The following NTAQ1 variants were observed in gnomAD, a reference collection of about 807,000 sequenced individuals.
NTAQ1 encodes protein N-terminal glutamine amidohydrolase.
Under a neutral mutation model 28.2 loss-of-function variants are expected in NTAQ1, and 21 were observed. That is an observed-to-expected ratio of 0.74 (90% CI 0.53 to 1.07). The LOEUF (loss-of-function observed/expected upper bound fraction) is 1.07, where lower values mean the gene tolerates loss of function less well. Among genes scored for constraint, NTAQ1 ranks in the 50% least tolerant of loss-of-function variants. The pLI is 0.00. For synonymous variants in NTAQ1, 105 were observed against 90.0 expected, an observed-to-expected ratio of 1.17 and a Z score of -0.94; for missense variants, 264 against 256.6, an observed-to-expected ratio of 1.03 and a Z score of -0.20.
downstream of NTAQ1, among the ~76,000 whole-genome samples, chr8:123,446,677 G>A (rs1420535373): frequency 4.6e-5 from 7 of 152,148 alleles, no homozygotes; most frequent in East Asian, 5.8e-4. Flanking sequence ...CATCGGAGCC[G>A]TATCAGTGCC....
downstream of NTAQ1, among the ~76,000 whole-genome samples, chr8:123,449,911 A>ATGTGTGTGTGTATATGTATATATG (rs68002945): frequency 4.5e-5 from 4 of 88,196 alleles, no homozygotes; most frequent in Non-Finnish European, 8.3e-5. Context: ...ATATGTATAT[A>ATGTGTGTGTGTATATGTATATATG]TGTGTGTGTA....
downstream of NTAQ1, among the ~76,000 whole-genome samples, chr8:123,452,938 T>G (rs1586964469): frequency 1.3e-5 from 2 of 152,264 alleles, no homozygotes; most frequent in Middle Eastern, 6.8e-3. Flanking sequence ...TGCATCCATT[T>G]ATTATCAAGG....
intron 6 of NTAQ1, among the ~76,000 whole-genome samples, chr8:123,454,431 C>T (rs141976389): frequency 0.028 from 4,208 of 151,996 alleles, 186 homozygotes; most frequent in African/African-American, 0.094. Flanking sequence ...TGCAATGGTG[C>T]GATCTCAGCT....
At chr8:123,423,250 T>C (rs1586928872) in intron 1 of NTAQ1, among the ~76,000 whole-genome samples, 1 of 141,962 alleles carries the variant, frequency 7.0e-6, no homozygotes, top group African/African-American at 2.6e-5. Context: ...CTTCCCTCCC[T>C]CCTTCCCTCC....
At chr8:123,468,089 A>G (rs894487963) in exon 7 of NTAQ1, among the ~76,000 whole-genome samples, 33 of 152,164 alleles carry the variant, frequency 2.2e-4, no homozygotes, top group African/African-American at 7.2e-4. Context: ...GCCCACCATG[A>G]TGTCAGGAGG....
At chr8:123,472,791 CTT>C (rs1035328915), downstream of NTAQ1, among the ~76,000 whole-genome samples, 7 of 152,174 alleles carry the variant, frequency 4.6e-5, no homozygotes, top group African/African-American at 1.7e-4. Flanking sequence ...TACTAAAACT[CTT>C]TTTCTGTGGA....
chr8:123,437,280 T>G lies in NTAQ1; in HGVS notation c.454T>G (p.Ser152Ala). ...TTCTGACCGATCTCACATGAAAGACTCCAGTGGGAATTGGAGAGAGCCTCC... is the reference window on the plus strand; with the variant it reads ...TTCTGACCGATCTCACATGAAAGACGCCAGTGGGAATTGGAGAGAGCCTCC... ...FASDRSHMKD[S>A]SGNWREPPPP... is the part of the protein sequence containing the mutation. Residue 152 changes from serine (S) to alanine (A), a missense_variant, in exon 5 of 6, where the codon TCC (serine) becomes GCC (alanine). Physicochemically the swap from Ser to Ala is moderately conservative, Grantham distance 99. Coordinates refer to ENST00000287387, the MANE Select transcript of NTAQ1 (RefSeq NM_018024.3). 2 of 1,614,112 alleles carry G rather than the reference T, an allele frequency of 1.2e-6. No homozygotes were observed. Among genetic ancestry groups the G allele is most frequent in the Admixed American group, 1.7e-5 (1 of 60,004 alleles).
In NTAQ1 at chr8:123,416,856, G is replaced by A; in HGVS notation, c.7G>A (p.Gly3Ser). Residue 3 changes from glycine (G) to serine (S), a missense_variant, in exon 1 of 6, where the codon GGT (glycine) becomes AGT (serine). Coordinates refer to ENST00000287387, the MANE Select transcript of NTAQ1 (RefSeq NM_018024.3). ...CTGGCCCAGCTAGCCGGCCATGGAA[G>A]GTAATGGCCCCGCTGCTGTCCACTA... ME[G>S]NGPAAVHYQP... is the part of the protein sequence containing the mutation. 2 of 1,529,144 alleles carry A rather than the reference G, an allele frequency of 1.3e-6. No homozygotes were observed. Among genetic ancestry groups the A allele is most frequent in the Non-Finnish European group, 1.8e-6 (2 of 1,138,924 alleles). 94.7% of individuals were successfully genotyped at this position (1,529,144 alleles called of 1,614,324 possible).
chr8:123,422,884 A>G (rs1246087336), intron 1 of NTAQ1, among the ~76,000 whole-genome samples: 2 of 152,132 alleles, frequency 1.3e-5, no homozygotes, highest in Non-Finnish European at 2.9e-5. Context: ...TCCCAGCATC[A>G]TTTATTAAAT....
exon 7 of NTAQ1, among the ~76,000 whole-genome samples, chr8:123,469,850 G>A (rs1028916028): frequency 1.3e-5 from 2 of 152,208 alleles, no homozygotes; most frequent in African/African-American, 2.4e-5. Flanking sequence ...CTCGTCTTCC[G>A]TTAGAAGCAT....
At chr8:123,442,825 T>G (rs1362653882), downstream of NTAQ1, among the ~76,000 whole-genome samples, 4 of 150,206 alleles carry the variant, frequency 2.7e-5, no homozygotes, top group Admixed American at 2.0e-4. Flanking sequence ...TGCGCCACCA[T>G]GCCCAGCGAA....
At chr8:123,432,988 T>G (rs1358049730) in intron 3 of NTAQ1, among the ~76,000 whole-genome samples, 1 of 152,140 alleles carries the variant, frequency 6.6e-6, no homozygotes, top group Non-Finnish European at 1.5e-5. Flanking sequence ...CCTCCTGTAA[T>G]AATTTCAAAA....
intron 5 of NTAQ1, among the ~76,000 whole-genome samples, chr8:123,439,731 C>CCACCCCT (rs1814934818): frequency 6.6e-6 from 1 of 152,022 alleles, no homozygotes; most frequent in Admixed American, 6.6e-5. Flanking sequence ...CTCAGGTGAT[C>CCACCCCT]CTTCTGCCTT....
exon 7 of NTAQ1, among the ~76,000 whole-genome samples, chr8:123,469,942 A>T (rs1049032925): frequency 6.6e-6 from 1 of 152,208 alleles, no homozygotes; most frequent in Non-Finnish European, 1.5e-5. Flanking sequence ...GTCCCCCAAA[A>T]TGTACATGTT....
At chr8:123,435,139 A>G (rs1011991502) in intron 3 of NTAQ1, among the ~76,000 whole-genome samples, 1 of 152,118 alleles carries the variant, frequency 6.6e-6, no homozygotes, top group African/African-American at 2.4e-5. Flanking sequence ...GCTGTTCTCT[A>G]TGAGAGCGTT....
downstream of NTAQ1, among the ~76,000 whole-genome samples, chr8:123,444,659 A>C (rs1815203103): frequency 1.3e-5 from 2 of 152,078 alleles, no homozygotes; most frequent in Non-Finnish European, 2.9e-5. Context: ...GGTGCCCACC[A>C]CTACGCCCAG....
intron 1 of NTAQ1, among the ~76,000 whole-genome samples, chr8:123,421,542 T>G (rs1178999598): frequency 6.7e-5 from 10 of 149,742 alleles, no homozygotes; most frequent in African/African-American, 2.2e-4. Flanking sequence ...GGAGTCTTAC[T>G]CTGTTGCCCA....
At chr8:123,466,693 A>G (rs1438897197) in intron 6 of NTAQ1, among the ~76,000 whole-genome samples, 1 of 152,132 alleles carries the variant, frequency 6.6e-6, no homozygotes, top group East Asian at 1.9e-4. Flanking sequence ...GGATGTGCAA[A>G]TATCTCTTTG....
At chr8:123,443,660 C>T (rs1345374733), downstream of NTAQ1, among the ~76,000 whole-genome samples, 1 of 152,146 alleles carries the variant, frequency 6.6e-6, no homozygotes, top group Non-Finnish European at 1.5e-5. Context: ...CTGCAACCTC[C>T]ACCTCCCAGG....
Sources: allele counts gnomAD v4.1 joint callset (sites outside exome capture counted in the v4.1 genomes callset), GRCh38; gene constraint gnomAD v4.1.1; transcripts MANE v1.5; gene names NCBI Gene and HGNC (gene_info 2026-07-23, HGNC 2026-07-21).